Variants in ATP8A2 observed in about 807,000 individuals in gnomAD.
The protein encoded by ATP8A2 is phospholipid-transporting ATPase IB.
ATP8A2 carries 100 observed loss-of-function variants against 165.6 expected under a neutral mutation model. The ratio of observed to expected loss-of-function variants is 0.60; its 90% CI spans 0.51 to 0.71. The LOEUF is 0.71. Ranked by LOEUF, ATP8A2 falls within the 30% of genes least tolerant of loss-of-function variation. ATP8A2 has a pLI of 0.00. For synonymous variants in ATP8A2, 543 were observed against 548.8 expected, an observed-to-expected ratio of 0.99 and a Z score of 0.15; for missense variants, 1,227 against 1,479.5, an observed-to-expected ratio of 0.83 and a Z score of 2.80.
intron 1 of ATP8A2, among the ~76,000 whole-genome samples, chr13:25,393,276 C>T (rs897281612): frequency 3.9e-5 from 6 of 151,906 alleles, no homozygotes; most frequent in South Asian, 2.1e-4. Context: ...GCTACAGGCG[C>T]GTGCCACCAT....
chr13:25,730,108 G>A (rs565838304), intron 25 of ATP8A2, among the ~76,000 whole-genome samples: 2 of 152,182 alleles, frequency 1.3e-5, no homozygotes, highest in South Asian at 2.1e-4. Flanking sequence ...TGAACAATAT[G>A]GTGTAACCCC....
At chr13:25,532,828 G>A (rs116948406) in intron 5 of ATP8A2, among the ~76,000 whole-genome samples, 1 of 151,768 alleles carries the variant, frequency 6.6e-6, no homozygotes, top group Non-Finnish European at 1.5e-5. Context: ...CACCACCCCC[G>A]ACTAATTTTT....
At position 25,551,463 on chromosome 13, in the gene ATP8A2, C is replaced by T; in HGVS notation, c.1017C>T (p.Asn339=). Reference sequence around the variant, plus strand: ...GCTCGGCGGGGGCCCTGTACTGGAACAGGTCTCATGGTGAAAAGAACTGGT... The same window carrying T: ...GCTCGGCGGGGGCCCTGTACTGGAATAGGTCTCATGGTGAAAAGAACTGGT... ...LVSSAGALYW[N]RSHGEKNWYI... Residue 339 remains asparagine, a synonymous_variant, in exon 11 of 37, where the codon AAC becomes AAT. Coordinates refer to ENST00000381655, the MANE Select transcript of ATP8A2 (RefSeq NM_016529.6). 2 of 1,613,696 alleles carry T rather than the reference C, an allele frequency of 1.2e-6. No individual in the cohort carries two copies. The highest frequency in any genetic ancestry group is 1.7e-6 in the Non-Finnish European group (2 of 1,179,680).
At chr13:25,700,434 C>G (rs2042927121) in intron 25 of ATP8A2, among the ~76,000 whole-genome samples, 1 of 152,176 alleles carries the variant, frequency 6.6e-6, no homozygotes, top group Non-Finnish European at 1.5e-5. Flanking sequence ...TCCTGCACGC[C>G]TTCACCCCCA....
chr13:25,768,976 G>C (rs922838032), intron 25 of ATP8A2, 70 bp from the exon 26 acceptor site: 1 of 1,404,878 alleles, frequency 7.1e-7, no homozygotes, highest in African/African-American at 1.4e-5. Flanking sequence ...TTAATGCAGC[G>C]GAATGTAGAT....
chr13:25,966,273 T>C (rs996087712), intron 34 of ATP8A2, among the ~76,000 whole-genome samples: 1 of 152,184 alleles, frequency 6.6e-6, no homozygotes, highest in Non-Finnish European at 1.5e-5. Flanking sequence ...ATAAGGGACT[T>C]ACTCTGTCAA....
intron 25 of ATP8A2, among the ~76,000 whole-genome samples, chr13:25,760,011 T>A (rs2138241189): frequency 6.6e-6 from 1 of 152,302 alleles, no homozygotes; most frequent in East Asian, 1.9e-4. Flanking sequence ...AAGCAAAGTA[T>A]CCTTATTTCA....
intron 27 of ATP8A2, among the ~76,000 whole-genome samples, chr13:25,819,030 A>G (rs1218438825): frequency 1.3e-5 from 2 of 152,208 alleles, no homozygotes; most frequent in Admixed American, 1.3e-4. Flanking sequence ...GGAAAAAATA[A>G]CTTGCCCTCT....
At chr13:25,852,840 G>T (rs1250693555) in intron 30 of ATP8A2, among the ~76,000 whole-genome samples, 2 of 151,600 alleles carry the variant, frequency 1.3e-5, no homozygotes, top group African/African-American at 2.4e-5. Context: ...GGAGGTGGAG[G>T]TTGCAGTGAG....
chr13:25,776,134 A>T (rs111247697), intron 27 of ATP8A2, among the ~76,000 whole-genome samples: 4,797 of 152,318 alleles, frequency 0.031, 256 homozygotes, highest in African/African-American at 0.11. Flanking sequence ...CCGGAGCCCA[A>T]CTGGAAACAG....
intron 27 of ATP8A2, among the ~76,000 whole-genome samples, chr13:25,781,085 C>T (rs374203198): frequency 1.3e-5 from 2 of 152,094 alleles, no homozygotes; most frequent in African/African-American, 2.4e-5. Flanking sequence ...CATGGTGAAA[C>T]CCCGTCTCTA....
chr13:25,629,954 A>G (rs2041197425), intron 24 of ATP8A2, among the ~76,000 whole-genome samples: 1 of 152,204 alleles, frequency 6.6e-6, no homozygotes, highest in Non-Finnish European at 1.5e-5. Flanking sequence ...CAACGACTTT[A>G]GAGTTGCTGA....
intron 1 of ATP8A2, among the ~76,000 whole-genome samples, chr13:25,394,527 G>C (rs1341883764): frequency 1.3e-5 from 2 of 152,172 alleles, no homozygotes; most frequent in African/African-American, 4.8e-5. Context: ...CCAACCAGAA[G>C]AGGAAGATAA....
At chr13:25,648,783 T>G (rs902436883) in intron 24 of ATP8A2, among the ~76,000 whole-genome samples, 1 of 152,238 alleles carries the variant, frequency 6.6e-6, no homozygotes, top group Non-Finnish European at 1.5e-5. Context: ...GAAAATGCTA[T>G]GTAAATACTT....
chr13:25,512,095 G>A (rs2037246083), intron 2 of ATP8A2, among the ~76,000 whole-genome samples: 1 of 151,614 alleles, frequency 6.6e-6, no homozygotes, highest in Non-Finnish European at 1.5e-5. Flanking sequence ...CTCTTAAGGA[G>A]CATGCTGCCT....
In ATP8A2 at chr13:25,591,088, A is replaced by T. The variant is rs756153559; in HGVS notation, c.2211+1389A>T. Among the ~76,000 whole-genome samples the T allele has an allele frequency of 3.0e-4, 46 of 151,442 alleles. 1 individual carries two copies. The Middle Eastern group carries it at 0.014, about 45-fold the overall frequency. On this transcript the variant is annotated intron_variant, in intron 24 of 36. Coordinates refer to ENST00000381655, the MANE Select transcript of ATP8A2 (RefSeq NM_016529.6). ...AGTGTTTCAGTCTTCCCCCTCTCAC[A>T]CGTCTTTATTTTTCTCCATGGAACC...
intron 24 of ATP8A2, among the ~76,000 whole-genome samples, chr13:25,609,589 T>TCAAATATATATATATATATTTGGATG (rs2040625622): frequency 7.8e-6 from 1 of 128,982 alleles, no homozygotes; most frequent in African/African-American, 2.8e-5. Flanking sequence ...ATATTTGGGT[T>TCAAATATATATATATATATTTGGATG]CAAATATATA....
intron 24 of ATP8A2, among the ~76,000 whole-genome samples, chr13:25,685,017 A>G (rs2042571586): frequency 6.6e-6 from 1 of 152,236 alleles, no homozygotes; most frequent in Admixed American, 6.5e-5. Flanking sequence ...ATTAATGTAT[A>G]GATTAATCAA....
intron 1 of ATP8A2, among the ~76,000 whole-genome samples, chr13:25,398,506 G>A (rs1473109919): frequency 6.6e-6 from 1 of 152,198 alleles, no homozygotes; most frequent in African/African-American, 2.4e-5. Flanking sequence ...TGGGGTTACA[G>A]CTTTCATATG....
Sources: gnomAD v4.1 joint callset for allele counts (sites outside exome capture counted in the v4.1 genomes callset) on GRCh38, gnomAD v4.1.1 for gene constraint, MANE v1.5 for transcripts, NCBI Gene and HGNC (gene_info 2026-07-23, HGNC 2026-07-21) for gene names.